Variants in FAM234B observed in about 807,000 individuals in gnomAD.
The protein encoded by FAM234B is protein FAM234B.
A neutral mutation model predicts 69.3 loss-of-function variants in FAM234B; 33 were observed. The ratio of observed to expected loss-of-function variants is 0.48; its 90% CI spans 0.36 to 0.64. The LOEUF is 0.64. Ranked by LOEUF, FAM234B falls within the 30% of genes least tolerant of loss-of-function variation. FAM234B has a pLI of 0.00. For missense variants in FAM234B, 697 were observed against 769.7 expected (o/e 0.91, Z 1.12); for synonymous variants, 306 against 306.9 (o/e 1.00, Z 0.03).
chr12:13,079,392 A>G (rs1865198777), intron 11 of FAM234B, among the ~76,000 whole-genome samples: 1 of 152,242 alleles, frequency 6.6e-6, no homozygotes, highest in Non-Finnish European at 1.5e-5. Flanking sequence ...TTGTATTTTA[A>G]AGATAAGGCA....
chr12:13,054,382 G>T (rs1040661844), intron 1 of FAM234B, among the ~76,000 whole-genome samples: 1 of 152,138 alleles, frequency 6.6e-6, no homozygotes, highest in Non-Finnish European at 1.5e-5. Context: ...GTTCCAGCTG[G>T]TCCCTCCATT....
At chr12:13,070,866 G>C (rs1385530233) in intron 9 of FAM234B, among the ~76,000 whole-genome samples, 2 of 152,162 alleles carry the variant, frequency 1.3e-5, no homozygotes, top group Admixed American at 1.3e-4. Flanking sequence ...GGCATTTGCA[G>C]AGTGGCTGCT....
Position 13,044,915 on chromosome 12 carries a change from C to G in FAM234B, c.37+475C>G, listed in dbSNP as rs867267415. ...CGACGCATCCATGAGGCAGGTGGGA[C>G]AGGTATTTACGTCCCTTCCTAGTTT... On this transcript the variant is annotated intron_variant, in intron 1 of 12. Transcript: ENST00000197268. The surrounding 1 kb of genome is among the most constrained non-coding windows in gnomAD (Gnocchi z 5.6). Among the ~76,000 whole-genome samples the G allele has an allele frequency of 1.3e-5, 2 of 152,192 alleles. No individual in the cohort carries two copies. The highest frequency in any genetic ancestry group is 1.5e-5 in the Non-Finnish European group (1 of 68,030).
chr12:13,062,979 T>C lies in FAM234B; in HGVS notation c.852+4T>C, dbSNP rs759070686. 1.2e-5 allele frequency: 19 copies of C among 1,613,650 alleles called. No homozygotes were observed. Among genetic ancestry groups the C allele is most frequent in the Non-Finnish European group, 1.6e-5 (19 of 1,179,788 alleles). On this transcript the variant is annotated splice_donor_region_variant and intron_variant, in intron 5 of 12. Coordinates refer to ENST00000197268, the MANE Select transcript of FAM234B (RefSeq NM_020853.2). ...TCTGGCCATTGGGGAATTGCAGGTATGATCTCTATTAAATGTTTTTTGTTT... is the reference window on the plus strand; with the variant it reads ...TCTGGCCATTGGGGAATTGCAGGTACGATCTCTATTAAATGTTTTTTGTTT...
intron 10 of FAM234B, among the ~76,000 whole-genome samples, chr12:13,074,634 G>A (rs1227263990): frequency 1.3e-5 from 2 of 152,220 alleles, no homozygotes; most frequent in Non-Finnish European, 2.9e-5. Context: ...TGGTTAAATG[G>A]TATAAGACTG....
intron 1 of FAM234B, among the ~76,000 whole-genome samples, chr12:13,050,793 T>C (rs1864867712): frequency 1.3e-5 from 2 of 152,188 alleles, no homozygotes; most frequent in South Asian, 4.1e-4. Context: ...ACATGCAAAA[T>C]GCTTGGATCA....
intron 1 of FAM234B, among the ~76,000 whole-genome samples, chr12:13,045,132 A>G (rs1479237196): frequency 3.3e-5 from 5 of 151,932 alleles, no homozygotes; most frequent in Non-Finnish European, 7.4e-5. Context: ...AAGATAATGT[A>G]TGGAATCTTC....
rs769047004 is a variant in FAM234B, at chr12:13,079,847, C to G, written c.1701C>G (p.Ser567Arg). 1.9e-6 allele frequency: 3 copies of G among 1,614,116 alleles called. No homozygotes were observed. Among genetic ancestry groups the G allele is most frequent in the Non-Finnish European group, 2.5e-6 (3 of 1,179,996 alleles). The change falls in exon 12 of 13, where the codon AGC becomes AGG. Residue 567 changes from serine (S) to arginine (R), a missense_variant. Transcript: ENST00000197268. ...ATGTTACCAGGACAACAGGGCCAAG[C>G]TCCGAAGGCCATCCAGCAGCCCTGG... ...AFYVTRTTGPSSEGHPAALVV... is the reference protein window; with the variant it reads ...AFYVTRTTGPRSEGHPAALVV...
Position 13,061,650 on chromosome 12 carries a change from C to A in FAM234B, c.608C>A (p.Pro203His). 6.2e-7 allele frequency: 1 copy of A among 1,614,054 alleles called. No homozygotes were observed. The highest frequency in any genetic ancestry group is 8.5e-7 in the Non-Finnish European group (1 of 1,180,000). Residue 203 changes from proline (P) to histidine (H), a missense_variant, in exon 4 of 13, where the codon CCT becomes CAT. Transcript: ENST00000197268. ...AGCACACTGTGGTCTAGTCTTCTCC[C>A]TGAGGAGGCTCGAGATATCACATGT... The part of the protein sequence containing the change: ...NGSTLWSSLL[P>H]EEARDITCLE...
chr12:13,079,899 G>C lies in FAM234B; in HGVS notation c.1753G>C (p.Ala585Pro). The C allele has an allele frequency of 6.2e-7, 1 of 1,614,030 alleles. No individual in the cohort carries two copies. The change falls in exon 12 of 13, where the codon GCA (alanine) becomes CCA (proline). Residue 585 changes from alanine (A) to proline (P), a missense_variant. By Grantham distance (27) the Ala-to-Pro change is conservative. Coordinates refer to ENST00000197268, the MANE Select transcript of FAM234B (RefSeq NM_020853.2). ...GGTCAGCAAGCTTAGTCTACGGTGGGCACTAATGGAGGGCCAGATGGCTCA... is the reference window on the plus strand; with the variant it reads ...GGTCAGCAAGCTTAGTCTACGGTGGCCACTAATGGAGGGCCAGATGGCTCA... The part of the protein sequence containing the change: ...LVVSKLSLRW[A>P]LMEGQMAQLQ...
intron 1 of FAM234B, among the ~76,000 whole-genome samples, chr12:13,053,715 AAAC>A (rs1298737205): frequency 6.6e-6 from 1 of 152,194 alleles, no homozygotes; most frequent in Non-Finnish European, 1.5e-5. Flanking sequence ...TCTTAACAGA[AAAC>A]AGGGTTGGAG....
At chr12:13,051,033 C>G (rs1864870823) in intron 1 of FAM234B, among the ~76,000 whole-genome samples, 1 of 152,114 alleles carries the variant, frequency 6.6e-6, no homozygotes, top group Admixed American at 6.6e-5. Flanking sequence ...GTGGCTGTTT[C>G]CTATTTTGTG....
rs779385294 is a variant in FAM234B at position 13,055,888 on chromosome 12, C to T, written c.375C>T (p.Ile125=). ...MILVLLCAFL[I]PCPPRDLHST... is the part of the protein sequence containing the mutation. The stretch of plus-strand genomic sequence containing the variant: ...TGGTGCTCCTGTGTGCTTTCCTGAT[C>T]CCCTGTCCTCCCAGAGATCTGCACA... Residue 125 remains isoleucine, a synonymous_variant, in exon 2 of 13, where the codon ATC becomes ATT. Transcript: ENST00000197268. 1 of 1,610,346 alleles carries T rather than the reference C, an allele frequency of 6.2e-7. No individual in the cohort carries two copies. The highest frequency in any genetic ancestry group is 1.1e-5 in the South Asian group (1 of 90,344).
At position 13,071,170 on chromosome 12, in the gene FAM234B, T is replaced by C. The variant is rs1865101333; in HGVS notation, c.1369-71T>C. ...TTATTTGAATACCTGTGCATTTTTG[T>C]GTGTGCATTTTCTGGGCCTGCTGCT... On this transcript the variant is annotated intron_variant, in intron 9 of 12. Transcript: ENST00000197268. The C allele has an allele frequency of 4.6e-6, 7 of 1,513,394 alleles. No homozygotes were observed. The Middle Eastern group carries it at 1.1e-3, about 228-fold the overall frequency. 93.7% of individuals were successfully genotyped at this position (1,513,394 alleles called of 1,614,324 possible).
chr12:13,045,945 G>A (rs1864805861), intron 1 of FAM234B, among the ~76,000 whole-genome samples: 3 of 151,674 alleles, frequency 2.0e-5, no homozygotes, highest in African/African-American at 7.3e-5. Flanking sequence ...GGTCTTTTGT[G>A]TTCTTATGCC....
chr12:13,060,543 A>G (rs942807294), intron 3 of FAM234B, among the ~76,000 whole-genome samples: 3 of 152,194 alleles, frequency 2.0e-5, no homozygotes, highest in African/African-American at 7.2e-5. Flanking sequence ...TAGGGATCCT[A>G]GCACCTTTGA....
At chr12:13,051,935 G>C (rs1015952732) in intron 1 of FAM234B, among the ~76,000 whole-genome samples, 2 of 152,180 alleles carry the variant, frequency 1.3e-5, no homozygotes, top group Non-Finnish European at 2.9e-5. Context: ...ACAATCATAT[G>C]AGCTAAAAAG....
In FAM234B at chr12:13,066,621, C is replaced by A. The variant is rs770507792; in HGVS notation, c.853-19C>A. On this transcript the variant is annotated intron_variant, in intron 5 of 12. Coordinates refer to ENST00000197268, the MANE Select transcript of FAM234B (RefSeq NM_020853.2). Reference sequence around the variant, plus strand: ...GATAGGGCTTCTATTGACTCCACCCCCCTCTCTTACTTCCTCAGCCAGATC... The same window carrying A: ...GATAGGGCTTCTATTGACTCCACCCACCTCTCTTACTTCCTCAGCCAGATC... The A allele has an allele frequency of 4.4e-6, 7 of 1,602,982 alleles. No individual in the cohort carries two copies. In the African/African-American group the frequency reaches 6.7e-5, roughly 15 times the overall value.
rs144644196 is a variant in FAM234B at position 13,050,458 on chromosome 12, C to T, written c.38-5093C>T. Among the ~76,000 whole-genome samples the T allele has an allele frequency of 2.8e-3, 422 of 152,272 alleles. 1 individual carries two copies. Among genetic ancestry groups the T allele is most frequent in the Middle Eastern group, 0.01 (3 of 294 alleles). ...ATGTCAGCTTGTACTTTTCCTCATT[C>T]GGTCCTACTTGGATTTGATTCTGTG... On this transcript the variant is annotated intron_variant, in intron 1 of 12. Coordinates refer to ENST00000197268, the MANE Select transcript of FAM234B (RefSeq NM_020853.2).
Sources: allele counts gnomAD v4.1 joint callset (sites outside exome capture counted in the v4.1 genomes callset), GRCh38; gene constraint gnomAD v4.1.1; non-coding constraint Gnocchi (gnomAD v3.1); transcripts MANE v1.5; gene names NCBI Gene and HGNC (gene_info 2026-07-23, HGNC 2026-07-21).